Variants in EPHA3 observed in about 807,000 individuals in gnomAD.
EPHA3 encodes the protein ephrin type-A receptor 3.
EPHA3 carries 42 observed loss-of-function variants against 107.1 expected under a neutral mutation model. The observed-to-expected ratio is 0.39, with a 90% CI of 0.31 to 0.51. The LOEUF (loss-of-function observed/expected upper bound fraction) is 0.51. Among genes scored for constraint, EPHA3 ranks in the 20% least tolerant of loss-of-function variants. EPHA3 has a pLI of 0.78. For synonymous variants in EPHA3, 461 were observed against 424.8 expected (o/e 1.09, Z -1.05); for missense variants, 1,183 against 1,211.2 (o/e 0.98, Z 0.35).
At chr3:89,295,496 C>A (rs1336673408) in intron 3 of EPHA3, among the ~76,000 whole-genome samples, 1 of 152,150 alleles carries the variant, frequency 6.6e-6, no homozygotes, top group Non-Finnish European at 1.5e-5. Context: ...CACCATAGAA[C>A]TTCTTTCAAA....
intron 3 of EPHA3, among the ~76,000 whole-genome samples, chr3:89,248,050 C>A (rs1368612927): frequency 6.6e-6 from 1 of 152,092 alleles, no homozygotes; most frequent in East Asian, 1.9e-4. Context: ...AAAACAAAAC[C>A]CCAAATATTT....
intron 2 of EPHA3, among the ~76,000 whole-genome samples, chr3:89,190,228 T>A (rs1705676938): frequency 6.6e-6 from 1 of 152,148 alleles, no homozygotes; most frequent in Admixed American, 6.5e-5. Flanking sequence ...ATATTAACAT[T>A]TCTGGACCGG....
chr3:89,429,417 T>C (rs1709519448), intron 12 of EPHA3, among the ~76,000 whole-genome samples: 1 of 152,124 alleles, frequency 6.6e-6, no homozygotes, highest in African/African-American at 2.4e-5. Flanking sequence ...CTGCCAAGAT[T>C]CACACTCGTT....
intron 5 of EPHA3, among the ~76,000 whole-genome samples, chr3:89,393,548 G>A (rs1708786590): frequency 6.6e-6 from 1 of 152,066 alleles, no homozygotes; most frequent in South Asian, 2.1e-4. Flanking sequence ...TTTCATGGTG[G>A]TATCAAATTA....
intron 3 of EPHA3, among the ~76,000 whole-genome samples, chr3:89,326,288 C>A (rs1436944511): frequency 1.3e-5 from 2 of 152,086 alleles, no homozygotes; most frequent in Admixed American, 1.3e-4. Context: ...CTCTAGATTA[C>A]TTGTAATACC....
intron 3 of EPHA3, among the ~76,000 whole-genome samples, chr3:89,323,378 T>C (rs1212156338): frequency 2.0e-5 from 3 of 152,242 alleles, no homozygotes; most frequent in South Asian, 2.1e-4. Flanking sequence ...GTTACATATA[T>C]AGTAACTGGC....
Position 89,139,111 on chromosome 3 carries a change from C to A in EPHA3, c.153+11838C>A, listed in dbSNP as rs151242385. On this transcript the variant is annotated intron_variant, in intron 2 of 16. Transcript: ENST00000336596. ...CTAATTTTTTAAAAAATGTAAATGG[C>A]TACCTCCCTTCTCAATGTAAAGTGA... is the stretch of plus-strand genomic sequence containing the variant. 1.9e-3 allele frequency among the ~76,000 whole-genome samples: 292 copies of A among 151,944 alleles called. 1 individual carries two copies. The highest frequency in any genetic ancestry group is 6.5e-3 in the African/African-American group (268 of 41,478).
chr3:89,325,887 T>C (rs1200826608), intron 3 of EPHA3, among the ~76,000 whole-genome samples: 1 of 151,446 alleles, frequency 6.6e-6, no homozygotes, highest in Non-Finnish European at 1.5e-5. Flanking sequence ...ATTTTTGTGA[T>C]ATTTTCTTTA....
intron 2 of EPHA3, among the ~76,000 whole-genome samples, chr3:89,206,433 C>A (rs924420070): frequency 1.8e-4 from 28 of 152,086 alleles, no homozygotes; most frequent in Non-Finnish European, 3.5e-4. Context: ...AAAAGGAAAT[C>A]TTGACTTAAG....
At chr3:89,416,626 G>T (rs1412913094) in intron 10 of EPHA3, among the ~76,000 whole-genome samples, 1 of 151,192 alleles carries the variant, frequency 6.6e-6, no homozygotes, top group East Asian at 1.9e-4. Context: ...AAATATAATT[G>T]AATTAATATT....
At chr3:89,219,050 ATGT>A (rs1406639063) in intron 3 of EPHA3, among the ~76,000 whole-genome samples, 3 of 152,188 alleles carry the variant, frequency 2.0e-5, no homozygotes, top group Non-Finnish European at 4.4e-5. Context: ...TGAAAGACAA[ATGT>A]TGTTTAGAGA....
chr3:89,286,509 A>G (rs1313342033), intron 3 of EPHA3, among the ~76,000 whole-genome samples: 1 of 152,154 alleles, frequency 6.6e-6, no homozygotes, highest in Admixed American at 6.6e-5. Context: ...GTCTTGGACT[A>G]TCATGGCAGC....
intron 1 of EPHA3, among the ~76,000 whole-genome samples, chr3:89,121,487 G>C (rs868010777): frequency 6.6e-6 from 1 of 152,014 alleles, no homozygotes; most frequent in Admixed American, 6.6e-5. Flanking sequence ...GGCTGGGCAC[G>C]GTGGCTCACG....
intron 3 of EPHA3, among the ~76,000 whole-genome samples, chr3:89,236,245 C>A (rs1309142308): frequency 2.6e-5 from 4 of 151,778 alleles, no homozygotes; most frequent in Non-Finnish European, 4.4e-5. Context: ...CCCCAAAAAA[C>A]CCTTGCATAT....
chr3:89,292,793 C>A (rs1291034931), intron 3 of EPHA3, among the ~76,000 whole-genome samples: 2 of 152,074 alleles, frequency 1.3e-5, no homozygotes, highest in African/African-American at 4.8e-5. Context: ...TTTCAAAAGT[C>A]TTTGATTTGT....
At chr3:89,117,058 C>T (rs981222332) in intron 1 of EPHA3, among the ~76,000 whole-genome samples, 9 of 152,002 alleles carry the variant, frequency 5.9e-5, no homozygotes, top group African/African-American at 2.2e-4. Context: ...ATAGCAGGGC[C>T]TCAAAAGGGA....
chr3:89,454,643 T>A (rs1191124450), intron 15 of EPHA3, among the ~76,000 whole-genome samples: 2 of 152,190 alleles, frequency 1.3e-5, no homozygotes, highest in Non-Finnish European at 2.9e-5. Context: ...CACCTGTTTA[T>A]AATCAATATT....
chr3:89,305,308 G>T (rs1212441692), intron 3 of EPHA3, among the ~76,000 whole-genome samples: 1 of 152,046 alleles, frequency 6.6e-6, no homozygotes, highest in African/African-American at 2.4e-5. Context: ...AATGAAAAAT[G>T]TAACGGCCAA....
In EPHA3 at chr3:89,190,044, T is replaced by G. The variant is rs367588480; in HGVS notation, c.154-19816T>G. ...TAAGACACTTCCTGTGCAACAGTAT[T>G]AAACATCCTCTATCTGTAGCAGCTC... On this transcript the variant is annotated intron_variant, in intron 2 of 16. Coordinates refer to ENST00000336596, the MANE Select transcript of EPHA3 (RefSeq NM_005233.6). Among the ~76,000 whole-genome samples, 28 of 152,310 alleles carry G rather than the reference T, an allele frequency of 1.8e-4. No homozygotes were observed. In the South Asian group the frequency reaches 1.9e-3, roughly 10 times the overall value.
Sources: gnomAD v4.1 joint callset for allele counts (sites outside exome capture counted in the v4.1 genomes callset) on GRCh38, gnomAD v4.1.1 for gene constraint, MANE v1.5 for transcripts, NCBI Gene and HGNC (gene_info 2026-07-23, HGNC 2026-07-21) for gene names.